XKR6: variants seen among roughly 807,000 people sequenced by gnomAD.
XKR6 encodes XK-related protein 6.
In XKR6, 22 loss-of-function variants were observed where a neutral mutation model predicts 56.7. That is an observed-to-expected ratio of 0.39 (90% CI 0.28 to 0.55). The LOEUF (loss-of-function observed/expected upper bound fraction) is 0.55, where lower values mean the gene tolerates loss of function less well. XKR6 is among the 20% of genes least tolerant of loss of function. The pLI is 0.66. For missense variants in XKR6, 852 were observed against 889.0 expected (o/e 0.96, Z 0.53); for synonymous variants, 524 against 387.8 (o/e 1.35, Z -4.13).
intron 1 of XKR6, among the ~76,000 whole-genome samples, chr8:10,997,546 T>A (rs576533938): frequency 1.3e-5 from 2 of 152,258 alleles, no homozygotes; most frequent in South Asian, 2.1e-4. Context: ...ATGTACAGAG[T>A]TTCTCCTTAC....
chr8:11,147,220 T>C (rs1473461157), intron 1 of XKR6, among the ~76,000 whole-genome samples: 3 of 152,114 alleles, frequency 2.0e-5, no homozygotes, highest in Non-Finnish European at 2.9e-5. Context: ...ACTTATCAAG[T>C]TGTATAAATT....
chr8:10,937,755 C>A (rs1345260509), intron 1 of XKR6, among the ~76,000 whole-genome samples: 9 of 146,344 alleles, frequency 6.1e-5, no homozygotes, highest in East Asian at 5.9e-4. Context: ...GCAGTCTGCC[C>A]GTTCTCAGAT....
chr8:11,005,573 T>C (rs1412457895), intron 1 of XKR6, among the ~76,000 whole-genome samples: 1 of 152,194 alleles, frequency 6.6e-6, no homozygotes, highest in African/African-American at 2.4e-5. Context: ...TTTTCTGTTA[T>C]TTATAATTTC....
chr8:11,091,476 TAAAGAAA>T (rs1563129860), intron 1 of XKR6, among the ~76,000 whole-genome samples: 1 of 150,736 alleles, frequency 6.6e-6, no homozygotes, highest in African/African-American at 2.4e-5. Flanking sequence ...GATAAAAAGA[TAAAGAAA>T]AAAGAAAAAG....
Position 11,188,110 on chromosome 8 carries a change from A to G in XKR6, c.764+12466T>C, listed in dbSNP as rs146875210. ...TTCAGGAATGTGTGTATCACATTAC[A>G]GTAGGTATGAGCCCATCGCTAATTT... On this transcript the variant is annotated intron_variant, in intron 1 of 2. Transcript: ENST00000416569. 2.5e-4 allele frequency among the ~76,000 whole-genome samples: 38 copies of G among 152,288 alleles called. No homozygotes were observed. The East Asian group carries it at 7.1e-3, about 29-fold the overall frequency.
intron 2 of XKR6, among the ~76,000 whole-genome samples, chr8:10,903,971 A>G (rs1409813225): frequency 1.3e-5 from 2 of 152,150 alleles, no homozygotes; most frequent in Admixed American, 6.5e-5. Flanking sequence ...TCAACTCAAA[A>G]GTCAATGCGT....
intron 1 of XKR6, among the ~76,000 whole-genome samples, chr8:11,145,210 T>C (rs1010340499): frequency 1.9e-4 from 29 of 152,140 alleles, no homozygotes; most frequent in African/African-American, 7.0e-4. Flanking sequence ...TTTTCAGATA[T>C]CTACATCATG....
chr8:10,993,439 C>G (rs1798038512), intron 1 of XKR6, among the ~76,000 whole-genome samples: 1 of 152,230 alleles, frequency 6.6e-6, no homozygotes, highest in Non-Finnish European at 1.5e-5. Flanking sequence ...CTGTCCCACA[C>G]CTCTGCATGC....
At chr8:10,940,221 C>G (rs565293873) in intron 1 of XKR6, among the ~76,000 whole-genome samples, 1 of 152,280 alleles carries the variant, frequency 6.6e-6, no homozygotes, top group Non-Finnish European at 1.5e-5. Flanking sequence ...AGTGCCTAAG[C>G]TGAGAGGTGG....
At chr8:10,909,218 C>T (rs2129109594) in intron 2 of XKR6, among the ~76,000 whole-genome samples, 1 of 151,710 alleles carries the variant, frequency 6.6e-6, no homozygotes, top group Middle Eastern at 3.4e-3. Context: ...TCTCTCTTTC[C>T]CCGCTCTTGC....
intron 1 of XKR6, among the ~76,000 whole-genome samples, chr8:11,098,798 T>C (rs1180045266): frequency 1.3e-5 from 2 of 152,204 alleles, no homozygotes; most frequent in Non-Finnish European, 2.9e-5. Context: ...CTTTACTTTC[T>C]TTTGAATCTT....
chr8:11,178,609 A>G (rs1436541174), intron 1 of XKR6, among the ~76,000 whole-genome samples: 2 of 125,364 alleles, frequency 1.6e-5, no homozygotes, highest in East Asian at 2.0e-4. Flanking sequence ...ACACAAATAT[A>G]TATATATATA....
intron 1 of XKR6, among the ~76,000 whole-genome samples, chr8:10,991,007 G>C (rs970275953): frequency 5.5e-5 from 8 of 144,148 alleles, no homozygotes; most frequent in African/African-American, 2.1e-4. Flanking sequence ...GAGTTCAAGC[G>C]ATTCTCCTGC....
chr8:11,191,298 A>T (rs1803560145), intron 1 of XKR6, among the ~76,000 whole-genome samples: 2 of 152,236 alleles, frequency 1.3e-5, no homozygotes, highest in South Asian at 4.1e-4. Context: ...TCCGGCAAGG[A>T]TTCCCAAAAG....
At chr8:11,115,867 C>T (rs1799147715) in intron 1 of XKR6, among the ~76,000 whole-genome samples, 1 of 152,194 alleles carries the variant, frequency 6.6e-6, no homozygotes, top group Non-Finnish European at 1.5e-5. Context: ...GGCTTATCTT[C>T]TATAATTTTT....
chr8:11,020,522 T>C (rs1798726839), intron 1 of XKR6, among the ~76,000 whole-genome samples: 4 of 152,220 alleles, frequency 2.6e-5, no homozygotes, highest in Admixed American at 2.6e-4. Context: ...GAAAGAAATG[T>C]GCTTGCAGCC....
In XKR6 at chr8:10,898,871, G is replaced by C; in HGVS notation, c.1007C>G (p.Ala336Gly). The change falls in exon 3 of 3, where the codon GCC becomes GGC. Residue 336 changes from alanine to glycine, a missense_variant. This residue lies in a region of XKR6 where 199 missense variants were observed against 280.4 expected (regional missense o/e 0.71). Transcript: ENST00000416569. The surrounding 1 kb of genome is among the most constrained non-coding windows in gnomAD (Gnocchi z 6.6). ...GTCCCGCAGCAGCTTGTGATAGGAG[G>C]CTAGCACCCAAGCCAGGGACATCAG... ...TSLMSLAWVL[A>G]SYHKLLRDSR... 6.2e-7 allele frequency: 1 copy of C among 1,613,440 alleles called. No homozygotes were observed. The highest frequency in any genetic ancestry group is 8.5e-7 in the Non-Finnish European group (1 of 1,179,620).
intron 1 of XKR6, among the ~76,000 whole-genome samples, chr8:10,948,741 T>A (rs901094220): frequency 6.6e-6 from 1 of 152,160 alleles, no homozygotes; most frequent in Non-Finnish European, 1.5e-5. Flanking sequence ...CACCCCGGCG[T>A]GTAGCTGTGG....
chr8:10,960,418 A>G (rs10106574), intron 1 of XKR6, among the ~76,000 whole-genome samples: 17,761 of 152,256 alleles, frequency 0.12, 2,226 homozygotes, highest in African/African-American at 0.32. Context: ...GTCAAGATGC[A>G]TGCTTACTCT....
Sources: gnomAD v4.1 joint callset for allele counts (sites outside exome capture counted in the v4.1 genomes callset) on GRCh38, gnomAD v4.1.1 for gene constraint, gnomAD v4.1.1 regional missense constraint, Gnocchi (gnomAD v3.1) non-coding constraint, MANE v1.5 for transcripts, NCBI Gene and HGNC (gene_info 2026-07-23, HGNC 2026-07-21) for gene names.